Variants in ATP11B observed in about 807,000 individuals in gnomAD.
ATP11B encodes the protein phospholipid-transporting ATPase IF.
Under a neutral mutation model 157.8 loss-of-function variants are expected in ATP11B, and 81 were observed. That is an observed-to-expected ratio of 0.51 (90% CI 0.43 to 0.62). The LOEUF is 0.62. Ranked by LOEUF, ATP11B falls within the 20% of genes least tolerant of loss-of-function variation. The pLI is 0.00. For synonymous variants in ATP11B, 451 were observed against 469.4 expected (o/e 0.96, Z 0.51); for missense variants, 1,165 against 1,402.2 (o/e 0.83, Z 2.70).
chr3:182,819,922 A>AT (rs1328312149), intron 1 of ATP11B, among the ~76,000 whole-genome samples: 6 of 151,940 alleles, frequency 3.9e-5, no homozygotes, highest in Non-Finnish European at 8.8e-5. Flanking sequence ...CTCCCATATG[A>AT]TTTTTTTTCA....
In ATP11B at chr3:182,869,752, G is replaced by A. The variant is rs558591415; in HGVS notation, c.1866+421G>A. Reference sequence around the variant, plus strand: ...TATATGACACAGCAGTTCTACTCCTGGGTGGACACCCAAGACAGCTGAAAA... The same window carrying A: ...TATATGACACAGCAGTTCTACTCCTAGGTGGACACCCAAGACAGCTGAAAA... On this transcript the variant is annotated intron_variant, in intron 17 of 29. Transcript: ENST00000323116. 2.0e-5 allele frequency among the ~76,000 whole-genome samples: 3 copies of A among 152,284 alleles called. No homozygotes were observed. In the South Asian group the frequency reaches 6.2e-4, roughly 32 times the overall value.
intron 25 of ATP11B, 57 bp from the exon 26 acceptor site, chr3:182,896,642 TA>T (rs1172134876): frequency 1.1e-5 from 16 of 1,429,334 alleles, no homozygotes; most frequent in Non-Finnish European, 1.5e-5. Flanking sequence ...AATGACTTTT[TA>T]CCTGACATTT....
intron 28 of ATP11B, among the ~76,000 whole-genome samples, chr3:182,910,224 CAAGAT>C (rs1724685730): frequency 6.6e-6 from 1 of 151,744 alleles, no homozygotes; most frequent in African/African-American, 2.4e-5. Context: ...TTTGACATTT[CAAGAT>C]GTTTACCTTC....
chr3:182,876,808 G>C (rs771806494), intron 19 of ATP11B, among the ~76,000 whole-genome samples: 1 of 152,144 alleles, frequency 6.6e-6, no homozygotes, highest in African/African-American at 2.4e-5. Context: ...TAACAATGGG[G>C]GTTAACTTTC....
chr3:182,916,749 AATAAG>A, intron 29 of ATP11B: 1 of 984,756 alleles, frequency 1.0e-6, no homozygotes, highest in Admixed American at 6.1e-5. Flanking sequence ...GACTTTACCT[AATAAG>A]ATTATTCTGT....
intron 1 of ATP11B, among the ~76,000 whole-genome samples, chr3:182,794,184 C>G (rs554366606): frequency 6.6e-6 from 1 of 152,326 alleles, no homozygotes; most frequent in African/African-American, 2.4e-5. Context: ...GCGTGCTCTT[C>G]CTGCCTCGAA....
At chr3:182,851,962 G>A (rs920253987) in intron 10 of ATP11B, among the ~76,000 whole-genome samples, 1 of 152,172 alleles carries the variant, frequency 6.6e-6, no homozygotes, top group East Asian at 1.9e-4. Context: ...TATGTATATT[G>A]TAAGCCTATG....
chr3:182,848,648 T>C, intron 10 of ATP11B, 91 bp downstream of exon 10: 2 of 521,392 alleles, frequency 3.8e-6, no homozygotes, highest in Non-Finnish European at 5.5e-6. Context: ...TAATATATAT[T>C]AAGTAAACAG....
chr3:182,847,406 C>T (rs1577014877), intron 9 of ATP11B, among the ~76,000 whole-genome samples: 1 of 152,232 alleles, frequency 6.6e-6, no homozygotes, highest in South Asian at 2.1e-4. Flanking sequence ...TGAATGGGGT[C>T]CAAATTTTGT....
intron 1 of ATP11B, among the ~76,000 whole-genome samples, chr3:182,816,050 C>T (rs1266572641): frequency 6.6e-6 from 1 of 152,122 alleles, no homozygotes; most frequent in East Asian, 1.9e-4. Flanking sequence ...AACAGTACTT[C>T]CCCTGTCTGC....
chr3:182,828,327 G>A, intron 3 of ATP11B, 118 bp downstream of exon 3: 1 of 483,542 alleles, frequency 2.1e-6, no homozygotes, highest in Middle Eastern at 3.0e-4. Flanking sequence ...TTTTTCTGCA[G>A]TGCTTCTGCA....
intron 1 of ATP11B, among the ~76,000 whole-genome samples, chr3:182,809,764 C>G (rs536527798): frequency 2.0e-5 from 3 of 152,270 alleles, no homozygotes; most frequent in African/African-American, 7.2e-5. Flanking sequence ...GATGAAATAG[C>G]TTAAGGCATA....
At chr3:182,886,174 G>T (rs1722779881) in intron 23 of ATP11B, among the ~76,000 whole-genome samples, 164 bp downstream of exon 23, 1 of 152,108 alleles carries the variant, frequency 6.6e-6, no homozygotes, top group African/African-American at 2.4e-5. Flanking sequence ...ATGACATTCA[G>T]AATATTTATT....
At chr3:182,900,136 T>C (rs960026335) in intron 28 of ATP11B, among the ~76,000 whole-genome samples, 1 of 152,234 alleles carries the variant, frequency 6.6e-6, no homozygotes, top group Non-Finnish European at 1.5e-5. Context: ...AACATTTCTT[T>C]AGTATTCATT....
chr3:182,811,591 G>C (rs1481914692), intron 1 of ATP11B, among the ~76,000 whole-genome samples: 1 of 152,074 alleles, frequency 6.6e-6, no homozygotes, highest in Non-Finnish European at 1.5e-5. Context: ...ACACCTCTTA[G>C]CTATAATAGA....
At chr3:182,859,141 C>T in intron 11 of ATP11B, 21 bp from the exon 12 acceptor site, 1 of 1,553,304 alleles carries the variant, frequency 6.4e-7, no homozygotes, top group South Asian at 1.2e-5. Flanking sequence ...TCTTTTCAAA[C>T]AATTATTTCC....
chr3:182,857,767 G>A (rs1320562779), intron 10 of ATP11B, 111 bp from the exon 11 acceptor site: 6 of 621,946 alleles, frequency 9.6e-6, no homozygotes, highest in Non-Finnish European at 1.6e-5. Flanking sequence ...AATAGTTACA[G>A]TAATACCCTC....
chr3:182,905,424 CT>C, intron 28 of ATP11B, among the ~76,000 whole-genome samples: 1 of 152,134 alleles, frequency 6.6e-6, no homozygotes. Context: ...GTAGAGAAGT[CT>C]TCTGAGAAGG....
intron 19 of ATP11B, among the ~76,000 whole-genome samples, chr3:182,879,215 G>A (rs1259022301): frequency 6.6e-6 from 1 of 152,134 alleles, no homozygotes; most frequent in East Asian, 1.9e-4. Context: ...GCTGCAGTGA[G>A]CCACTATACT....
Sources: allele counts gnomAD v4.1 joint callset (sites outside exome capture counted in the v4.1 genomes callset), GRCh38; gene constraint gnomAD v4.1.1; transcripts MANE v1.5; gene names NCBI Gene and HGNC (gene_info 2026-07-23, HGNC 2026-07-21).